The following MGST2 variants were observed in gnomAD, a reference collection of about 807,000 sequenced individuals.
MGST2 encodes glutathione peroxidase MGST2.
MGST2 carries 9 observed loss-of-function variants against 16.6 expected under a neutral mutation model. The ratio of observed to expected loss-of-function variants is 0.54; its 90% CI spans 0.33 to 0.95. MGST2 has a LOEUF of 0.95. MGST2 is among the 40% of genes least tolerant of loss of function. The pLI is 0.03. For missense variants in MGST2, 159 were observed against 175.1 expected, an observed-to-expected ratio of 0.91 and a Z score of 0.52; for synonymous variants, 79 against 68.0, an observed-to-expected ratio of 1.16 and a Z score of -0.79.
rs939771883 is a variant in MGST2 at position 139,668,157 on chromosome 4, A to T, written c.58+2080A>T. 4.6e-5 allele frequency among the ~76,000 whole-genome samples: 7 copies of T among 152,352 alleles called. No individual in the cohort carries two copies. The East Asian group carries it at 1.4e-3, about 29-fold the overall frequency. On this transcript the variant is annotated intron_variant, in intron 1 of 4. Transcript: ENST00000265498. ...GATTTTCTGATTGGCAATTGATTAA[A>T]AGAGTTTATCTACAGACCTCAAATC...
chr4:139,707,258 G>A (rs978554993), downstream of MGST2, among the ~76,000 whole-genome samples: 1 of 151,494 alleles, frequency 6.6e-6, no homozygotes, highest in Non-Finnish European at 1.5e-5. Flanking sequence ...GTGTCCATGT[G>A]TTCTCATTGT....
intron 3 of MGST2, among the ~76,000 whole-genome samples, chr4:139,702,161 T>C (rs563134582): frequency 2.6e-4 from 40 of 152,340 alleles, no homozygotes; most frequent in African/African-American, 9.1e-4. Flanking sequence ...CTGGATGCGA[T>C]GATAGAACAT....
At chr4:139,730,713 C>T (rs1209774347) in intron 5 of MGST2, 2 of 1,539,850 alleles carry the variant, frequency 1.3e-6, no homozygotes, top group South Asian at 1.2e-5. Context: ...CCCATAGAGA[C>T]TCACTGCTGT....
In MGST2 at chr4:139,715,813, C is replaced by CTGTT. The variant is rs1727930069; in HGVS notation, c.*48+11619_*48+11622dup. Among the ~76,000 whole-genome samples, 2 of 152,166 alleles carry CTGTT rather than the reference C, an allele frequency of 1.3e-5. No individual in the cohort carries two copies. The highest frequency in any genetic ancestry group is 4.8e-5 in the African/African-American group (2 of 41,422). On this transcript the variant is annotated intron_variant, in intron 5 of 5. Transcript: ENST00000616265. The surrounding 1 kb of genome is among the most constrained non-coding windows in gnomAD (Gnocchi z 4.4). ...CTTTGGCTGGCTCCTTTACTGCAAACTGTTTTATCAGCAAGGTCTTTATGC... is the reference window on the plus strand; with the variant it reads ...CTTTGGCTGGCTCCTTTACTGCAAACTGTTTGTTTTATCAGCAAGGTCTTTATGC...
chr4:139,705,472 C>T (rs766127864), downstream of MGST2: 6 of 152,094 alleles, frequency 3.9e-5, no homozygotes, highest in Non-Finnish European at 7.3e-5. Context: ...TGTGCAGACT[C>T]CAGTTAGCCA....
At chr4:139,666,831 G>A (rs1000222) in intron 1 of MGST2, among the ~76,000 whole-genome samples, 65,411 of 152,046 alleles carry the variant, frequency 0.43, 14,290 homozygotes, top group East Asian at 0.7. Context: ...GGGCCAAGCC[G>A]TAGACTGCTC....
At chr4:139,753,797 A>T in the MGST2 span, among the ~76,000 whole-genome samples, 6 of 152,188 alleles carry the variant, frequency 3.9e-5, no homozygotes, top group African/African-American at 9.7e-5. Flanking sequence ...TGCATATGCC[A>T]GACACAGCGC....
the MGST2 span, among the ~76,000 whole-genome samples, chr4:139,753,242 G>A: frequency 1.3e-5 from 2 of 152,136 alleles, no homozygotes; most frequent in East Asian, 3.8e-4. Context: ...AATGTTGTGT[G>A]ATCGATACCA....
chr4:139,753,341 AATCTATCTATCTATCTATCTATCT>A, the MGST2 span, among the ~76,000 whole-genome samples: 1 of 146,578 alleles, frequency 6.8e-6, no homozygotes, highest in Non-Finnish European at 1.5e-5. Flanking sequence ...TTTTCTTTTT[AATCTATCTATCTATCTATCTATCT>A]ATCTATCTAT....
In MGST2 at chr4:139,703,537, G is replaced by A. The variant is rs758212377; in HGVS notation, c.311+1G>A. 1.2e-6 allele frequency: 2 copies of A among 1,613,378 alleles called. No individual in the cohort carries two copies. The highest frequency in any genetic ancestry group is 2.2e-5 in the East Asian group (1 of 44,858). On this transcript the variant is annotated splice_donor_variant, in intron 4 of 4. Coordinates refer to ENST00000265498, the MANE Select transcript of MGST2 (RefSeq NM_002413.5). LOFTEE classifies it high-confidence loss of function. ...GATATTCAGAAGCTGCTAAAAAACG[G>A]TAAGGAGAACCCAGTAATTTTGTAT...
chr4:139,699,663 A>T (rs1293214249), intron 3 of MGST2, among the ~76,000 whole-genome samples: 1 of 152,222 alleles, frequency 6.6e-6, no homozygotes. Context: ...GGACCTGTGC[A>T]GTTCAAACCC....
chr4:139,721,405 T>C (rs1728228566), intron 5 of MGST2, among the ~76,000 whole-genome samples: 1 of 152,086 alleles, frequency 6.6e-6, no homozygotes, highest in Non-Finnish European at 1.5e-5. Flanking sequence ...AGAAGAAAAA[T>C]AGTTTTTTTC....
downstream of MGST2, among the ~76,000 whole-genome samples, chr4:139,743,146 C>T (rs549015772): frequency 6.6e-6 from 1 of 152,236 alleles, no homozygotes; most frequent in Non-Finnish European, 1.5e-5. Context: ...AGCATAACCA[C>T]GATTCACATA....
chr4:139,694,672 A>G (rs185799138), intron 2 of MGST2, among the ~76,000 whole-genome samples: 4 of 152,192 alleles, frequency 2.6e-5, no homozygotes, highest in African/African-American at 9.7e-5. Flanking sequence ...GATGCTGTCT[A>G]TCTTTGATTC....
At chr4:139,670,007 C>A (rs1730585821) in intron 1 of MGST2, among the ~76,000 whole-genome samples, 2 of 152,248 alleles carry the variant, frequency 1.3e-5, no homozygotes, top group African/African-American at 4.8e-5. Context: ...TGTGTGCATT[C>A]CTCGGTCTTC....
At chr4:139,709,005 AAAAAAAAAAAG>A (rs1345330150), downstream of MGST2, among the ~76,000 whole-genome samples, 1 of 150,290 alleles carries the variant, frequency 6.7e-6, no homozygotes, top group African/African-American at 2.4e-5. Context: ...GTCTCAAAAA[AAAAAAAAAAAG>A]AAAAAGAAAA....
chr4:139,701,137 C>T (rs545775881), intron 3 of MGST2, among the ~76,000 whole-genome samples: 1 of 152,322 alleles, frequency 6.6e-6, no homozygotes, highest in African/African-American at 2.4e-5. Context: ...TCTGTCTCTG[C>T]CATTTGACCC....
At chr4:139,700,310 T>G (rs1177789541) in intron 3 of MGST2, among the ~76,000 whole-genome samples, 1 of 151,816 alleles carries the variant, frequency 6.6e-6, no homozygotes, top group African/African-American at 2.4e-5. Flanking sequence ...TTTTCGTATT[T>G]TTAGTAGAGA....
chr4:139,713,499 G>T (rs921265225), intron 5 of MGST2, among the ~76,000 whole-genome samples: 38 of 144,218 alleles, frequency 2.6e-4, no homozygotes, highest in Non-Finnish European at 1.2e-4. Context: ...AAAAAAAAAG[G>T]AGAAAAATAA....
Sources: gnomAD v4.1 joint callset for allele counts (sites outside exome capture counted in the v4.1 genomes callset) on GRCh38, gnomAD v4.1.1 for gene constraint, Gnocchi (gnomAD v3.1) non-coding constraint, MANE v1.5 for transcripts, NCBI Gene and HGNC (gene_info 2026-07-23, HGNC 2026-07-21) for gene names.